Variants in ACSM1 observed in about 807,000 individuals in gnomAD.
ACSM1 encodes the protein acyl-CoA synthetase medium chain family member 1.
ACSM1 carries 79 observed loss-of-function variants against 75.8 expected under a neutral mutation model. The observed-to-expected ratio is 1.04, with a 90% CI of 0.87 to 1.26. The LOEUF (loss-of-function observed/expected upper bound fraction) is 1.26. Among genes scored for constraint, ACSM1 ranks in the 50% most tolerant of loss-of-function variants. The pLI, the probability that ACSM1 is intolerant of heterozygous loss-of-function variation, is 0.00. For synonymous variants in ACSM1, 279 were observed against 265.8 expected, an observed-to-expected ratio of 1.05 and a Z score of -0.48; for missense variants, 676 against 720.1, an observed-to-expected ratio of 0.94 and a Z score of 0.70.
At position 20,648,115 on chromosome 16, in the gene ACSM1, A is replaced by G. The variant is rs1421626105; in HGVS notation, c.993-7531T>C. On this transcript the variant is annotated intron_variant, in intron 7 of 13. Coordinates refer to ENST00000520010, the MANE Select transcript of ACSM1 (RefSeq NM_001318890.3). This position sits in a 1 kb window ranked among gnomAD's most constrained non-coding sequence, Gnocchi z 4.2. ...TCCTTTGACTCTGCCGGACTTCATTACCCCCACCACCTGGTGTTGGGCCTG... is the reference window on the plus strand; with the variant it reads ...TCCTTTGACTCTGCCGGACTTCATTGCCCCCACCACCTGGTGTTGGGCCTG... Among the ~76,000 whole-genome samples, 1 of 152,042 alleles carries G rather than the reference A, an allele frequency of 6.6e-6. No homozygotes were observed.
intron 7 of ACSM1, among the ~76,000 whole-genome samples, chr16:20,657,000 C>T (rs185835857): frequency 2.7e-4 from 41 of 152,008 alleles, no homozygotes; most frequent in Admixed American, 5.9e-4. Flanking sequence ...ACATTTTCTG[C>T]TTCCTATAAA....
intron 10 of ACSM1, among the ~76,000 whole-genome samples, chr16:20,634,098 G>GTA (rs2017511057): frequency 1.3e-5 from 2 of 152,186 alleles, no homozygotes; most frequent in African/African-American, 4.8e-5. Flanking sequence ...ATTGATTTAA[G>GTA]TATAGGTGCC....
intron 4 of ACSM1, chr16:20,680,561 C>T (rs529830183): frequency 6.6e-6 from 1 of 152,322 alleles, no homozygotes; most frequent in Non-Finnish European, 1.5e-5. Flanking sequence ...GAACCAACAG[C>T]CTCAGCCAGT....
At chr16:20,636,648 C>A (rs1362896250) in intron 10 of ACSM1, 91 bp downstream of exon 10, 3 of 871,118 alleles carry the variant, frequency 3.4e-6, no homozygotes, top group Admixed American at 2.1e-5. Context: ...TGAGTTAGAG[C>A]AAATAAAAGA....
At chr16:20,646,493 C>T (rs1009099885) in intron 7 of ACSM1, among the ~76,000 whole-genome samples, 18 of 152,162 alleles carry the variant, frequency 1.2e-4, no homozygotes, top group African/African-American at 3.9e-4. Flanking sequence ...GACACTGGCA[C>T]GGCCTTCTCA....
intron 9 of ACSM1, 98 bp downstream of exon 9, chr16:20,637,273 T>G (rs779673791): frequency 8.7e-6 from 8 of 921,942 alleles, no homozygotes; most frequent in Non-Finnish European, 1.4e-5. Context: ...GAAGGATGAC[T>G]GGAGCAGGGA....
intron 2 of ACSM1, among the ~76,000 whole-genome samples, chr16:20,687,192 T>C (rs73530591): frequency 0.015 from 2,260 of 152,006 alleles, 55 homozygotes; most frequent in African/African-American, 0.051. Context: ...ATGGCATAAT[T>C]TGAATATGAT....
At chr16:20,676,005 T>G (rs1221294803) in intron 4 of ACSM1, 2 of 152,244 alleles carry the variant, frequency 1.3e-5, no homozygotes, top group Non-Finnish European at 2.9e-5. Flanking sequence ...AAACCAGTTT[T>G]GCAAGAACCA....
intron 11 of ACSM1, among the ~76,000 whole-genome samples, chr16:20,626,156 CAG>C (rs1491184767): frequency 2.0e-5 from 3 of 151,754 alleles, no homozygotes; most frequent in African/African-American, 7.3e-5. Flanking sequence ...GAGGCTGAAA[CAG>C]GGGGATCAAT....
At chr16:20,646,741 T>C (rs2018389635) in intron 7 of ACSM1, among the ~76,000 whole-genome samples, 1 of 152,174 alleles carries the variant, frequency 6.6e-6, no homozygotes, top group Non-Finnish European at 1.5e-5. Flanking sequence ...AGGGTAAATA[T>C]ATATACAGAC....
At chr16:20,623,988 T>G (rs776600392) in intron 13 of ACSM1, 108 bp downstream of exon 13, 1 of 1,510,210 alleles carries the variant, frequency 6.6e-7, no homozygotes, top group Non-Finnish European at 9.0e-7. Context: ...CCTTCAGTGT[T>G]GTAAACCTCC....
rs778517508 is a variant in ACSM1 at position 20,640,539 on chromosome 16, G to A, written c.1038C>T (p.Val346=). 5.0e-6 allele frequency: 8 copies of A among 1,613,980 alleles called. No individual in the cohort carries two copies. The highest frequency in any genetic ancestry group is 2.2e-5 in the East Asian group (1 of 44,876). Residue 346 remains valine, a synonymous_variant, in exon 8 of 14, where the codon GTC becomes GTT. Transcript: ENST00000520010. ...ALEHCYTGGE[V]VLPKDQEEWK... ...ACTCCTCCTGATCCTTGGGCAACAC[G>A]ACCTCCCCGCCAGTATAGCAGTGCT... is the stretch of plus-strand genomic sequence containing the variant.
At chr16:20,685,546 G>A (rs903539274) in intron 2 of ACSM1, 143 bp from the exon 3 acceptor site, 11 of 779,838 alleles carry the variant, frequency 1.4e-5, no homozygotes, top group Admixed American at 6.7e-5. Flanking sequence ...ATACAGCCAG[G>A]CGCAGTGGCT....
intron 4 of ACSM1, among the ~76,000 whole-genome samples, chr16:20,677,698 T>C (rs767037004): frequency 2.0e-5 from 3 of 152,196 alleles, no homozygotes; most frequent in Non-Finnish European, 2.9e-5. Context: ...GTGGTGACTT[T>C]GGACTCAGTA....
intron 12 of ACSM1, among the ~76,000 whole-genome samples, chr16:20,624,777 C>T (rs2016809649): frequency 6.6e-6 from 1 of 152,126 alleles, no homozygotes; most frequent in Non-Finnish European, 1.5e-5. Context: ...TCACTGCAAC[C>T]TCAGCCTCCC....
At chr16:20,671,696 GA>G (rs756820927) in intron 4 of ACSM1, 25 bp from the exon 5 acceptor site, 2 of 1,499,276 alleles carry the variant, frequency 1.3e-6, no homozygotes, top group Non-Finnish European at 1.8e-6. Context: ...AAGACAAAAG[GA>G]AAAAAGTCAT....
intron 11 of ACSM1, 38 bp from the exon 12 acceptor site, chr16:20,625,560 G>T: frequency 1.3e-6 from 2 of 1,580,836 alleles, no homozygotes; most frequent in Non-Finnish European, 1.7e-6. Flanking sequence ...TGCCAGGGCT[G>T]GGGTGAACCA....
At chr16:20,664,862 A>G (rs1270764421) in intron 6 of ACSM1, among the ~76,000 whole-genome samples, 1 of 152,196 alleles carries the variant, frequency 6.6e-6, no homozygotes, top group Non-Finnish European at 1.5e-5. Flanking sequence ...ACTGAAAACC[A>G]TATAAAAACA....
rs377637288 is a variant in ACSM1 at position 20,640,548 on chromosome 16, G to A, written c.1029C>T (p.Gly343=). Residue 343 remains glycine (G), a synonymous_variant, in exon 8 of 14, where the codon GGC becomes GGT. Coordinates refer to ENST00000520010, the MANE Select transcript of ACSM1 (RefSeq NM_001318890.3). ...GATCCTTGGGCAACACGACCTCCCC[G>A]CCAGTATAGCAGTGCTCCAGGGCAG... The part of the protein sequence containing the change: ...RFPALEHCYT[G]GEVVLPKDQE... 3.2e-4 allele frequency: 509 copies of A among 1,614,090 alleles called. 3 individuals are homozygous for A. In the South Asian group the frequency reaches 3.9e-3, roughly 12 times the overall value.
Sources: allele counts gnomAD v4.1 joint callset (sites outside exome capture counted in the v4.1 genomes callset), GRCh38; gene constraint gnomAD v4.1.1; non-coding constraint Gnocchi (gnomAD v3.1); transcripts MANE v1.5; gene names NCBI Gene and HGNC (gene_info 2026-07-23, HGNC 2026-07-21).